Variants in FNDC3B observed in about 807,000 individuals in gnomAD.
The protein encoded by FNDC3B is fibronectin type III domain containing 3B.
In FNDC3B, 12 loss-of-function variants were observed where a neutral mutation model predicts 151.5. The observed-to-expected ratio is 0.08, with a 90% CI of 0.05 to 0.13. The LOEUF is 0.13. Among genes scored for constraint, FNDC3B ranks in the 10% least tolerant of loss-of-function variants. The pLI is 1.00. For synonymous variants in FNDC3B, 528 were observed against 549.0 expected, an observed-to-expected ratio of 0.96 and a Z score of 0.54; for missense variants, 1,214 against 1,505.3, an observed-to-expected ratio of 0.81 and a Z score of 3.20.
chr3:172,163,046 G>A (rs1722853348), intron 3 of FNDC3B, among the ~76,000 whole-genome samples: 1 of 152,188 alleles, frequency 6.6e-6, no homozygotes, highest in Admixed American at 6.5e-5. Context: ...GCTGAGGCAG[G>A]AAGATTGCTT....
At chr3:172,308,438 G>A (rs1731302557) in intron 10 of FNDC3B, among the ~76,000 whole-genome samples, 1 of 152,222 alleles carries the variant, frequency 6.6e-6, no homozygotes, top group Admixed American at 6.5e-5. Flanking sequence ...AAGATTTAGG[G>A]TTTGGGGGGA....
intron 3 of FNDC3B, among the ~76,000 whole-genome samples, chr3:172,221,769 A>G (rs2108732482): frequency 6.6e-6 from 1 of 152,308 alleles, no homozygotes; most frequent in South Asian, 2.1e-4. Flanking sequence ...GTCACCATGA[A>G]TGATTGCAGA....
At chr3:172,340,896 A>G (rs534602794) in intron 16 of FNDC3B, among the ~76,000 whole-genome samples, 2 of 152,318 alleles carry the variant, frequency 1.3e-5, no homozygotes, top group Admixed American at 6.5e-5. Context: ...TGTGGTGATA[A>G]TAGGTAGTCT....
intron 8 of FNDC3B, among the ~76,000 whole-genome samples, chr3:172,297,932 G>T (rs546767624): frequency 6.6e-6 from 1 of 152,002 alleles, no homozygotes; most frequent in African/African-American, 2.4e-5. Flanking sequence ...AGCTTTTGTC[G>T]CTTGGTCTAT....
At chr3:172,387,106 G>A (rs1056968642) in intron 25 of FNDC3B, among the ~76,000 whole-genome samples, 1 of 152,116 alleles carries the variant, frequency 6.6e-6, no homozygotes, top group Non-Finnish European at 1.5e-5. Context: ...AAAGGCGCCT[G>A]CCACCATGCC....
chr3:172,166,984 C>T (rs771679717), intron 3 of FNDC3B, among the ~76,000 whole-genome samples: 1 of 152,092 alleles, frequency 6.6e-6, no homozygotes, highest in African/African-American at 2.4e-5. Flanking sequence ...TTCTTTATGC[C>T]GTTTACATTG....
chr3:172,192,176 G>GTT (rs113729648), intron 3 of FNDC3B, among the ~76,000 whole-genome samples: 3,970 of 136,996 alleles, frequency 0.029, 125 homozygotes, highest in South Asian at 0.075. Flanking sequence ...TGTGTTTTTT[G>GTT]TTTTTTTTTT....
intron 21 of FNDC3B, among the ~76,000 whole-genome samples, chr3:172,351,692 G>T (rs1411755534): frequency 5.7e-4 from 87 of 152,198 alleles, no homozygotes; most frequent in Admixed American, 5.7e-3. Flanking sequence ...AACCAGATGG[G>T]AGAGAGAGTA....
chr3:172,273,704 A>G (rs969855069), intron 6 of FNDC3B, among the ~76,000 whole-genome samples: 3 of 152,246 alleles, frequency 2.0e-5, no homozygotes, highest in African/African-American at 7.2e-5. Flanking sequence ...TTATTTAACA[A>G]TGGAATTAGT....
chr3:172,065,209 G>T (rs1487489159), intron 1 of FNDC3B, among the ~76,000 whole-genome samples: 2 of 152,194 alleles, frequency 1.3e-5, no homozygotes, highest in East Asian at 3.8e-4. Context: ...GCATGCACCT[G>T]TAGTCCCAGC....
intron 11 of FNDC3B, among the ~76,000 whole-genome samples, chr3:172,324,963 T>C (rs1411955324): frequency 6.6e-6 from 1 of 152,220 alleles, no homozygotes; most frequent in African/African-American, 2.4e-5. Context: ...TAGGAGTCTC[T>C]TCCCTCAGCC....
chr3:172,081,016 G>C (rs1008349263), intron 1 of FNDC3B, among the ~76,000 whole-genome samples: 21 of 152,218 alleles, frequency 1.4e-4, no homozygotes, highest in African/African-American at 5.1e-4. Context: ...TGTCATGCTA[G>C]TCTAAGATTT....
chr3:172,269,437 T>A (rs979197115), intron 6 of FNDC3B, among the ~76,000 whole-genome samples: 11 of 97,732 alleles, frequency 1.1e-4, no homozygotes, highest in African/African-American at 6.2e-4. Context: ...TAAAAAAAAT[T>A]TTTTTTTTTT....
intron 18 of FNDC3B, among the ~76,000 whole-genome samples, chr3:172,343,781 CTT>C (rs1202023603): frequency 1.3e-5 from 2 of 152,190 alleles, no homozygotes; most frequent in East Asian, 3.9e-4. Flanking sequence ...TTTCTTCCCT[CTT>C]TTTCTTCCAT....
intron 11 of FNDC3B, among the ~76,000 whole-genome samples, chr3:172,313,785 G>T (rs1272742937): frequency 1.3e-5 from 2 of 152,102 alleles, no homozygotes; most frequent in Non-Finnish European, 2.9e-5. Context: ...GTGCTATCGG[G>T]TTTCCTGGCA....
intron 3 of FNDC3B, among the ~76,000 whole-genome samples, chr3:172,170,468 A>T (rs1048703344): frequency 6.6e-6 from 1 of 152,236 alleles, no homozygotes; most frequent in African/African-American, 2.4e-5. Context: ...CAAGCAATGT[A>T]TTGATTGTAA....
At chr3:172,209,302 C>T (rs1725603087) in intron 3 of FNDC3B, among the ~76,000 whole-genome samples, 2 of 152,182 alleles carry the variant, frequency 1.3e-5, no homozygotes, top group Non-Finnish European at 2.9e-5. Flanking sequence ...CTGCCGCCCA[C>T]AGCTGGGCAA....
At chr3:172,235,760 G>A (rs1490288628) in intron 4 of FNDC3B, among the ~76,000 whole-genome samples, 4 of 152,204 alleles carry the variant, frequency 2.6e-5, no homozygotes, top group Non-Finnish European at 5.9e-5. Flanking sequence ...AGTCTTGAAT[G>A]GTAACATGTT....
At chr3:172,254,814 C>T (rs574548186) in intron 6 of FNDC3B, among the ~76,000 whole-genome samples, 1 of 152,310 alleles carries the variant, frequency 6.6e-6, no homozygotes, top group African/African-American at 2.4e-5. Context: ...GAGCCGAGAA[C>T]AGTTGGGGCT....
Sources: gnomAD v4.1 joint callset for allele counts (sites outside exome capture counted in the v4.1 genomes callset) on GRCh38, gnomAD v4.1.1 for gene constraint, MANE v1.5 for transcripts, NCBI Gene and HGNC (gene_info 2026-07-23, HGNC 2026-07-21) for gene names.